SCNN1B: variants seen among roughly 807,000 people sequenced by gnomAD.
SCNN1B encodes the protein sodium channel epithelial 1 subunit beta, also known as epithelial sodium channel subunit beta.
SCNN1B carries 46 observed loss-of-function variants against 65.3 expected under a neutral mutation model. That is an observed-to-expected ratio of 0.70 (90% CI 0.56 to 0.90). The LOEUF is 0.90. Among genes scored for constraint, SCNN1B ranks in the 40% least tolerant of loss-of-function variants. The probability of loss-of-function intolerance (pLI) is 0.00; values close to 1 mark genes in which losing one functional copy is unlikely to be tolerated. For missense variants in SCNN1B, 751 were observed against 830.5 expected (o/e 0.90, Z 1.18); for synonymous variants, 349 against 330.6 (o/e 1.06, Z -0.60).
Position 23,353,043 on chromosome 16 carries a change from A to T in SCNN1B, c.554A>T (p.Asn185Ile), listed in dbSNP as rs528582647. The part of the protein sequence containing the change: ...TSSSASEKIC[N>I]AHGCKMAMRL... Reference sequence around the variant, plus strand: ...AGCTCAGCATCAGAAAAGATCTGTAATGCCCACGGGTGCAAAATGGCCATG... The same window carrying T: ...AGCTCAGCATCAGAAAAGATCTGTATTGCCCACGGGTGCAAAATGGCCATG... Residue 185 changes from asparagine to isoleucine, a missense_variant, in exon 3 of 13, where the codon AAT becomes ATT. By Grantham distance (149) the Asn-to-Ile change is moderately radical (BLOSUM62 -3). Coordinates refer to ENST00000343070, the MANE Select transcript of SCNN1B (RefSeq NM_000336.3). 3.7e-6 allele frequency: 6 copies of T among 1,614,192 alleles called. No homozygotes were observed. The South Asian group carries it at 5.5e-5, about 15-fold the overall frequency.
intron 1 of SCNN1B, among the ~76,000 whole-genome samples, chr16:23,346,210 T>C (rs1489169095): frequency 1.4e-5 from 1 of 71,942 alleles, no homozygotes; most frequent in Admixed American, 1.2e-4. Context: ...CTTTTTTTTT[T>C]TTTTTTTTTT....
chr16:23,301,126 G>T (rs571033820), upstream of SCNN1B, among the ~76,000 whole-genome samples: 1 of 152,142 alleles, frequency 6.6e-6, no homozygotes, highest in Non-Finnish European at 1.5e-5. Context: ...CACTTTGGGA[G>T]CCCGAGGCGG....
chr16:23,304,069 A>AT, intron 1 of SCNN1B: 2 of 1,535,942 alleles, frequency 1.3e-6, no homozygotes, highest in Non-Finnish European at 1.7e-6. Flanking sequence ...GATAATGCCT[A>AT]CCGATGGGAA....
intron 1 of SCNN1B, among the ~76,000 whole-genome samples, chr16:23,319,570 C>T (rs1476330212): frequency 6.6e-6 from 1 of 152,182 alleles, no homozygotes; most frequent in Non-Finnish European, 1.5e-5. Flanking sequence ...ATAGCCCGCC[C>T]AGTCATTTAC....
At chr16:23,295,701 A>C (rs1322492248) in intron 2 of SCNN1B, among the ~76,000 whole-genome samples, 2 of 152,162 alleles carry the variant, frequency 1.3e-5, no homozygotes, top group African/African-American at 4.8e-5. Flanking sequence ...CAGCAGTTTG[A>C]AAATGACAGA....
At chr16:23,309,338 C>A (rs577607775) in intron 1 of SCNN1B, among the ~76,000 whole-genome samples, 5 of 152,070 alleles carry the variant, frequency 3.3e-5, no homozygotes, top group Admixed American at 2.0e-4. Flanking sequence ...CCCACTATAA[C>A]TGTATTAGTT....
At chr16:23,318,008 G>A (rs1961508650) in intron 1 of SCNN1B, among the ~76,000 whole-genome samples, 1 of 152,224 alleles carries the variant, frequency 6.6e-6, no homozygotes, top group African/African-American at 2.4e-5. Context: ...AGCTCCAGCT[G>A]CAGCTCAAGG....
upstream of SCNN1B, among the ~76,000 whole-genome samples, chr16:23,300,613 A>G: frequency 6.6e-6 from 1 of 151,990 alleles, no homozygotes; most frequent in Admixed American, 6.6e-5. Flanking sequence ...AAGTGGGAAG[A>G]TTGCTTGAGG....
chr16:23,378,819 C>A, intron 11 of SCNN1B, 52 bp downstream of exon 11: 1 of 1,556,128 alleles, frequency 6.4e-7, no homozygotes, highest in Non-Finnish European at 8.9e-7. Context: ...GGTCCAGAAA[C>A]TCGGGGCAGG....
chr16:23,331,612 G>T (rs565734614), intron 1 of SCNN1B, among the ~76,000 whole-genome samples: 1 of 152,018 alleles, frequency 6.6e-6, no homozygotes, highest in Non-Finnish European at 1.5e-5. Flanking sequence ...GAGCCACCAC[G>T]CCCGGCCTCC....
chr16:23,362,165 C>A (rs1190582233), intron 4 of SCNN1B, among the ~76,000 whole-genome samples: 1 of 151,700 alleles, frequency 6.6e-6, no homozygotes, highest in African/African-American at 2.4e-5. Context: ...GCCAACATGG[C>A]AAAACCCCAT....
rs41278184 is a variant in SCNN1B at position 23,371,867 on chromosome 16, C to T, written c.1136C>T (p.Thr379Met). 3.0e-5 allele frequency: 48 copies of T among 1,613,354 alleles called. No individual in the cohort carries two copies. Among genetic ancestry groups the T allele is most frequent in the African/African-American group, 4.0e-5 (3 of 75,054 alleles). Reference protein sequence around the residue: ...PVQNFYSDYNTTYSIQACLRS... With the variant: ...PVQNFYSDYNMTYSIQACLRS... ...CAAAACTTCTACAGTGACTACAACA[C>T]GACCTACTCCATCCAGGTGGGAAGG... The change falls in exon 7 of 13, where the codon ACG becomes ATG. Residue 379 changes from threonine (T) to methionine (M), a missense_variant. Coordinates refer to ENST00000343070, the MANE Select transcript of SCNN1B (RefSeq NM_000336.3).
intron 1 of SCNN1B, among the ~76,000 whole-genome samples, chr16:23,319,768 A>AT (rs1039201650): frequency 9.9e-5 from 15 of 151,532 alleles, no homozygotes; most frequent in African/African-American, 3.6e-4. Flanking sequence ...GAAATGTTTT[A>AT]TTTTTTGTTT....
At chr16:23,332,420 C>T (rs1320964237) in intron 1 of SCNN1B, among the ~76,000 whole-genome samples, 1 of 152,134 alleles carries the variant, frequency 6.6e-6, no homozygotes, top group African/African-American at 2.4e-5. Context: ...TGGTCTTGAA[C>T]TCCTGACCTC....
chr16:23,339,608 C>T (rs993780446), intron 1 of SCNN1B, among the ~76,000 whole-genome samples: 25 of 151,736 alleles, frequency 1.6e-4, no homozygotes, highest in Non-Finnish European at 3.7e-4. Context: ...CTCTGTCACC[C>T]AGGCTGGAGT....
rs1289036161 is a variant in SCNN1B, at chr16:23,334,712, G to A, written c.-8-13880G>A. Among the ~76,000 whole-genome samples the A allele has an allele frequency of 3.3e-5, 5 of 152,198 alleles. No homozygotes were observed. In the South Asian group the frequency reaches 6.2e-4, roughly 19 times the overall value. ...CTGTTTCCCATTTGAGAATATTACA[G>A]TGTTGCAATCAACATCCTTAAACTG... is the stretch of plus-strand genomic sequence containing the variant. On this transcript the variant is annotated intron_variant, in intron 1 of 12. Transcript: ENST00000343070.
chr16:23,348,595 C>T lies in SCNN1B; in HGVS notation c.-5C>T, dbSNP rs373417336. 2.0e-5 allele frequency: 33 copies of T among 1,612,470 alleles called. No individual in the cohort carries two copies. Among genetic ancestry groups the T allele is most frequent in the African/African-American group, 2.7e-5 (2 of 75,014 alleles). On this transcript the variant is annotated 5_prime_UTR_variant, in exon 2 of 13. Coordinates refer to ENST00000343070, the MANE Select transcript of SCNN1B (RefSeq NM_000336.3). This position sits in a 1 kb window ranked among gnomAD's most constrained non-coding sequence, Gnocchi z 4.5. ...GCGTCCCCATGCCTCTCTGCAGGTG[C>T]CACTATGCACGTGAAGAAGTACCTG...
At chr16:23,325,563 A>C (rs898360337) in intron 1 of SCNN1B, among the ~76,000 whole-genome samples, 2 of 142,012 alleles carry the variant, frequency 1.4e-5, no homozygotes, top group Non-Finnish European at 2.9e-5. Flanking sequence ...CACCGTGCCC[A>C]GCCTCTTTTT....
At position 23,365,611 on chromosome 16, in the gene SCNN1B, A is replaced by AAGAGAGAGAGAGAG. The variant is rs1483991687; in HGVS notation, c.777-2242_777-2241insGAGAGAGAGAGAGA. 4.4e-4 allele frequency among the ~76,000 whole-genome samples: 30 copies of AAGAGAGAGAGAGAG among 68,250 alleles called. 1 individual carries two copies. In the South Asian group the frequency reaches 1.0e-2, roughly 23 times the overall value. 44.8% of individuals were successfully genotyped at this position (68,250 alleles called of 152,430 possible). On this transcript the variant is annotated intron_variant, in intron 4 of 12. Transcript: ENST00000343070. ...AGAGAAAGAAAGAAAGAAAGAAAGAAAGAAAGAAAAAAGAAAGAAGTCACA... is the reference window on the plus strand; with the variant it reads ...AGAGAAAGAAAGAAAGAAAGAAAGAAAGAGAGAGAGAGAGAGAAAGAAAAAAGAAAGAAGTCACA...
Sources: allele counts gnomAD v4.1 joint callset (sites outside exome capture counted in the v4.1 genomes callset), GRCh38; gene constraint gnomAD v4.1.1; non-coding constraint Gnocchi (gnomAD v3.1); transcripts MANE v1.5; gene names NCBI Gene and HGNC (gene_info 2026-07-23, HGNC 2026-07-21).